The following CCT4 variants were observed in gnomAD, a reference collection of about 807,000 sequenced individuals.
CCT4 encodes the protein T-complex protein 1 subunit delta.
CCT4 carries 17 observed loss-of-function variants against 62.5 expected under a neutral mutation model. The ratio of observed to expected loss-of-function variants is 0.27; its 90% CI spans 0.19 to 0.41. The LOEUF (loss-of-function observed/expected upper bound fraction) is 0.41, where lower values mean the gene tolerates loss of function less well. Among genes scored for constraint, CCT4 ranks in the 10% least tolerant of loss-of-function variants. The probability of loss-of-function intolerance (pLI) is 1.00; values close to 1 mark genes in which losing one functional copy is unlikely to be tolerated. For synonymous variants in CCT4, 250 were observed against 229.9 expected (o/e 1.09, Z -0.79); for missense variants, 592 against 659.2 (o/e 0.90, Z 1.12).
chr2:61,873,840 A>T (rs1236690717), intron 8 of CCT4, among the ~76,000 whole-genome samples: 1 of 152,178 alleles, frequency 6.6e-6, no homozygotes, highest in African/African-American at 2.4e-5. Context: ...TGCTGGGATT[A>T]CAGGCATGAG....
chr2:61,875,128 C>T (rs1378017827), intron 8 of CCT4, among the ~76,000 whole-genome samples: 1 of 95,138 alleles, frequency 1.1e-5, no homozygotes, highest in Non-Finnish European at 2.1e-5. Context: ...GCAACAAGAG[C>T]GAAACTCCAT....
chr2:61,883,849 T>G (rs886451341), intron 2 of CCT4, among the ~76,000 whole-genome samples: 1 of 152,034 alleles, frequency 6.6e-6, no homozygotes, highest in African/African-American at 2.4e-5. Flanking sequence ...GCACTTGCTA[T>G]CTTTAATGAT....
At chr2:61,885,245 G>C (rs1336193945) in intron 1 of CCT4, among the ~76,000 whole-genome samples, 173 bp from the exon 2 acceptor site, 1 of 151,880 alleles carries the variant, frequency 6.6e-6, no homozygotes, top group Non-Finnish European at 1.5e-5. Context: ...TTAAAGAATA[G>C]AGTTTTTTTC....
chr2:61,869,305 C>T, intron 13 of CCT4, 135 bp downstream of exon 13: 1 of 612,584 alleles, frequency 1.6e-6, no homozygotes, highest in Non-Finnish European at 3.0e-6. Context: ...TACTGTGCTC[C>T]AGCCTGGGCA....
At chr2:61,878,736 A>G (rs1669050397) in intron 5 of CCT4, 133 bp downstream of exon 5, 1 of 526,582 alleles carries the variant, frequency 1.9e-6, no homozygotes, top group Non-Finnish European at 3.2e-6. Flanking sequence ...TCTTAAACCA[A>G]TTCAATTATA....
Position 61,884,990 on chromosome 2 carries a change from T to TTAG in CCT4, c.180+27_180+29dup, listed in dbSNP as rs759058589. Reference sequence around the variant, plus strand: ...TTGTAGTGTGAACAGCAGTGCTCAATTAGTAGTATTCAATGACTCAACTCT... The same window carrying TTAG: ...TTGTAGTGTGAACAGCAGTGCTCAATTAGTAGTAGTATTCAATGACTCAACTCT... On this transcript the variant is annotated intron_variant, in intron 2 of 13. Transcript: ENST00000394440. 15 of 1,531,212 alleles carry TTAG rather than the reference T, an allele frequency of 9.8e-6. 1 individual carries two copies. Among genetic ancestry groups the TTAG allele is most frequent in the South Asian group, 8.4e-5 (7 of 83,060 alleles). 94.9% of individuals were successfully genotyped at this position (1,531,212 alleles called of 1,614,324 possible).
chr2:61,870,522 C>T (rs1452211046), intron 12 of CCT4, among the ~76,000 whole-genome samples: 2 of 151,948 alleles, frequency 1.3e-5, no homozygotes, highest in Non-Finnish European at 2.9e-5. Flanking sequence ...AAAATCTCAT[C>T]CTACTTCCCT....
chr2:61,877,575 A>G lies in CCT4; in HGVS notation c.523-61T>C, dbSNP rs1384545582. The G allele has an allele frequency of 2.4e-6, 3 of 1,275,484 alleles. No individual in the cohort carries two copies. In the East Asian group the frequency reaches 7.6e-5, roughly 32 times the overall value. 79.0% of individuals were successfully genotyped at this position (1,275,484 alleles called of 1,614,324 possible). The stretch of plus-strand genomic sequence containing the variant: ...CAGTAGAAAAAAGTCCTAATTTTTC[A>G]ATGACAAAGATACTTAAGAAAGACT... On this transcript the variant is annotated intron_variant, in intron 5 of 13. Coordinates refer to ENST00000394440, the MANE Select transcript of CCT4 (RefSeq NM_006430.4).
At chr2:61,874,165 C>T (rs371889766) in intron 8 of CCT4, among the ~76,000 whole-genome samples, 20 of 152,124 alleles carry the variant, frequency 1.3e-4, no homozygotes, top group East Asian at 3.8e-4. Flanking sequence ...CCCTATTATA[C>T]GGATAAGCAA....
chr2:61,883,513 A>G lies in CCT4; in HGVS notation c.216T>C (p.Asn72=), dbSNP rs1669163138. ...TTTGTTTCAGAATGGTAGCACCATC[A>G]TTTGTAATGGTTACATCACCTTTTC... ...QDGKGDVTIT[N]DGATILKQMQ... Residue 72 remains asparagine (N), a synonymous_variant, in exon 3 of 14, where the codon AAT becomes AAC. Transcript: ENST00000394440. 6.2e-7 allele frequency: 1 copy of G among 1,600,730 alleles called. No individual in the cohort carries two copies. Among genetic ancestry groups the G allele is most frequent in the Non-Finnish European group, 8.5e-7 (1 of 1,173,534 alleles).
chr2:61,885,233 T>C (rs965348316), intron 1 of CCT4, among the ~76,000 whole-genome samples, 161 bp from the exon 2 acceptor site: 2 of 151,860 alleles, frequency 1.3e-5, no homozygotes, highest in Non-Finnish European at 2.9e-5. Flanking sequence ...AATCAAGACT[T>C]CTTAAAGAAT....
chr2:61,888,158 G>C, intron 1 of CCT4: 1 of 555,218 alleles, frequency 1.8e-6, no homozygotes, highest in Non-Finnish European at 3.1e-6. Flanking sequence ...AACTAAGGGA[G>C]ATTAAGATGC....
At chr2:61,874,413 G>A (rs917686122) in intron 8 of CCT4, among the ~76,000 whole-genome samples, 2 of 151,776 alleles carry the variant, frequency 1.3e-5, no homozygotes, top group Non-Finnish European at 2.9e-5. Flanking sequence ...GAGGTCAGGA[G>A]TGCAAGACCA....
At chr2:61,887,516 A>C (rs1572929794) in intron 1 of CCT4, among the ~76,000 whole-genome samples, 1 of 152,200 alleles carries the variant, frequency 6.6e-6, no homozygotes, top group Admixed American at 6.5e-5. Context: ...ACTATTCTCC[A>C]ACCCAAAAGA....
intron 3 of CCT4, among the ~76,000 whole-genome samples, chr2:61,882,933 G>A (rs1433635945): frequency 6.6e-6 from 1 of 152,006 alleles, no homozygotes; most frequent in Non-Finnish European, 1.5e-5. Flanking sequence ...CTATGGAGTG[G>A]CTGGGACTAA....
intron 1 of CCT4, 117 bp downstream of exon 1, chr2:61,888,264 G>C: frequency 1.6e-6 from 2 of 1,261,236 alleles, no homozygotes; most frequent in Non-Finnish European, 2.2e-6. Context: ...GCTTCTATAG[G>C]GAGGACAAGA....
chr2:61,883,599 T>A, intron 2 of CCT4, 51 bp from the exon 3 acceptor site: 1 of 871,890 alleles, frequency 1.1e-6, no homozygotes, highest in Non-Finnish European at 1.8e-6. Flanking sequence ...TTAATAGTTT[T>A]ATTAAACTTT....
At chr2:61,882,089 C>A (rs145715770) in intron 3 of CCT4, among the ~76,000 whole-genome samples, 2 of 151,942 alleles carry the variant, frequency 1.3e-5, no homozygotes, top group Non-Finnish European at 2.9e-5. Context: ...TGCACCACCA[C>A]GCCCAGCTGA....
intron 6 of CCT4, 56 bp downstream of exon 6, chr2:61,877,337 G>A (rs1002478326): frequency 2.2e-5 from 34 of 1,516,840 alleles, no homozygotes; most frequent in Non-Finnish European, 3.0e-5. Context: ...ATTTATTTTT[G>A]GCAATCTGAT....
Sources: gnomAD v4.1 joint callset for allele counts (sites outside exome capture counted in the v4.1 genomes callset) on GRCh38, gnomAD v4.1.1 for gene constraint, MANE v1.5 for transcripts, NCBI Gene and HGNC (gene_info 2026-07-23, HGNC 2026-07-21) for gene names.